MAP4K3: variants seen among roughly 807,000 people sequenced by gnomAD.
The protein encoded by MAP4K3 is MAPK/ERK kinase kinase kinase 3.
A neutral mutation model predicts 143.5 loss-of-function variants in MAP4K3; 94 were observed. That is an observed-to-expected ratio of 0.65 (90% CI 0.55 to 0.78). The LOEUF is 0.78. Ranked by LOEUF, MAP4K3 falls within the 30% of genes least tolerant of loss-of-function variation. MAP4K3 has a pLI of 0.00. For missense variants in MAP4K3, 1,077 were observed against 1,068.1 expected (o/e 1.01, Z -0.12); for synonymous variants, 416 against 347.2 (o/e 1.20, Z -2.20).
intron 13 of MAP4K3, among the ~76,000 whole-genome samples, chr2:39,314,776 A>G (rs1683059249): frequency 6.6e-6 from 1 of 152,206 alleles, no homozygotes; most frequent in Non-Finnish European, 1.5e-5. Context: ...CTGGAGGCCT[A>G]TTTTAAAAGG....
Position 39,437,084 on chromosome 2 carries a change from T to TC in MAP4K3, c.-98dup. 1.2e-6 allele frequency: 1 copy of TC among 861,188 alleles called. No homozygotes were observed. The highest frequency in any genetic ancestry group is 1.7e-6 in the Non-Finnish European group (1 of 594,412). The allele number at this position is 861,188 out of a possible 1,614,324, so 53.3% of individuals were successfully genotyped here. On this transcript the variant is annotated 5_prime_UTR_variant, in exon 1 of 34. Transcript: ENST00000263881. ...GAGGGCGCCGCGGCCGGCTCCCGGCTCCCCCGGCGGTCACAATCACCCGGC... is the reference window on the plus strand; with the variant it reads ...GAGGGCGCCGCGGCCGGCTCCCGGCTCCCCCCGGCGGTCACAATCACCCGGC...
chr2:39,290,723 A>G (rs1196094981), intron 18 of MAP4K3, among the ~76,000 whole-genome samples: 1 of 152,214 alleles, frequency 6.6e-6, no homozygotes, highest in Non-Finnish European at 1.5e-5. Context: ...TTATGTAAAT[A>G]CTTACAGTAT....
intron 18 of MAP4K3, among the ~76,000 whole-genome samples, chr2:39,290,994 G>C (rs1436709932): frequency 6.6e-6 from 1 of 151,680 alleles, no homozygotes. Context: ...CTGGGAGGTA[G>C]AGCCTGCATG....
In MAP4K3 at chr2:39,330,947, T is replaced by C. The variant is rs147945397; in HGVS notation, c.530+970A>G. 2.6e-5 allele frequency among the ~76,000 whole-genome samples: 4 copies of C among 152,284 alleles called. No individual in the cohort carries two copies. In the East Asian group the frequency reaches 7.7e-4, roughly 29 times the overall value. On this transcript the variant is annotated intron_variant, in intron 8 of 33. Coordinates refer to ENST00000263881, the MANE Select transcript of MAP4K3 (RefSeq NM_003618.4). ...AGAGAGCTAAGATCTTCAACTGTCA[T>C]AACGCAGTATCTGTAAATGAATAAT...
intron 13 of MAP4K3, among the ~76,000 whole-genome samples, chr2:39,314,463 A>G (rs1427635294): frequency 6.6e-6 from 1 of 152,248 alleles, no homozygotes; most frequent in African/African-American, 2.4e-5. Context: ...TGAAATTAGC[A>G]AATTTAAAAC....
At chr2:39,350,563 C>T (rs921908707) in intron 3 of MAP4K3, among the ~76,000 whole-genome samples, 9 of 152,132 alleles carry the variant, frequency 5.9e-5, no homozygotes, top group African/African-American at 9.7e-5. Flanking sequence ...AAATGTATTT[C>T]GAGTTAAGAT....
intron 13 of MAP4K3, among the ~76,000 whole-genome samples, chr2:39,313,322 A>C (rs768119960): frequency 6.6e-6 from 1 of 152,104 alleles, no homozygotes; most frequent in Non-Finnish European, 1.5e-5. Context: ...TCACCCAGGT[A>C]CTAAGCCTAG....
At chr2:39,424,265 T>C (rs1021293625) in intron 1 of MAP4K3, among the ~76,000 whole-genome samples, 5 of 152,052 alleles carry the variant, frequency 3.3e-5, no homozygotes, top group Non-Finnish European at 5.9e-5. Flanking sequence ...TTTTAACAAA[T>C]GTATCACACT....
At chr2:39,307,914 G>C (rs1353233042) in intron 15 of MAP4K3, 29 bp downstream of exon 15, 1 of 1,487,776 alleles carries the variant, frequency 6.7e-7, no homozygotes, top group South Asian at 1.3e-5. Context: ...AAACAATGCT[G>C]ACAAAGAAAA....
At chr2:39,289,277 C>T (rs995106602) in intron 19 of MAP4K3, among the ~76,000 whole-genome samples, 3 of 152,098 alleles carry the variant, frequency 2.0e-5, no homozygotes, top group Non-Finnish European at 4.4e-5. Flanking sequence ...GCAAGTACAG[C>T]ATTATTTACT....
intron 8 of MAP4K3, among the ~76,000 whole-genome samples, chr2:39,327,949 A>G (rs2148517782): frequency 6.6e-6 from 1 of 152,378 alleles, no homozygotes; most frequent in East Asian, 1.9e-4. Flanking sequence ...TTGTGTGCTT[A>G]TCACAGTCAA....
chr2:39,308,177 T>G (rs953787538), intron 14 of MAP4K3, among the ~76,000 whole-genome samples, 172 bp from the exon 15 acceptor site: 1 of 152,164 alleles, frequency 6.6e-6, no homozygotes, highest in African/African-American at 2.4e-5. Flanking sequence ...TTGCAACAAC[T>G]TTGCTCTAAA....
Position 39,392,183 on chromosome 2 carries a change from C to CAAAAAAAAAAAAA in MAP4K3, c.97-14073_97-14061dup, listed in dbSNP as rs3086434. ...CTGGCAACAGAACGACACTCCTACT[C>CAAAAAAAAAAAAA]AAAAAAAAAAAAAAAAAAAAAATTA... On this transcript the variant is annotated intron_variant, in intron 1 of 33. Transcript: ENST00000263881. 1.8e-3 allele frequency among the ~76,000 whole-genome samples: 126 copies of CAAAAAAAAAAAAA among 69,028 alleles called. 7 individuals are homozygous for CAAAAAAAAAAAAA. The highest frequency in any genetic ancestry group is 5.7e-3 in the East Asian group (12 of 2,096). The allele number at this position is 69,028 out of a possible 152,430, so 45.3% of individuals were successfully genotyped here.
intron 8 of MAP4K3, 114 bp from the exon 9 acceptor site, chr2:39,326,391 GT>G (rs1683490688): frequency 8.7e-7 from 1 of 1,147,434 alleles, no homozygotes. Flanking sequence ...TTAGGCCTTG[GT>G]TTTTGAAAAA....
chr2:39,250,689 T>C lies in MAP4K3; in HGVS notation c.2614A>G (p.Ser872Gly). The C allele has an allele frequency of 6.2e-7, 1 of 1,613,766 alleles. No homozygotes were observed. Residue 872 changes from serine to glycine, a missense_variant, in exon 34 of 34, where the codon AGT (serine) becomes GGT (glycine). Physicochemically the swap from Ser to Gly is moderately conservative, Grantham distance 56 (BLOSUM62 0). Transcript: ENST00000263881. ...LGSDRVVVLE[S>G]RPTDNPTANS... ...GCTGTGGGGTTATCAGTTGGCCTAC[T>C]TTCCAAAACCACGACCCTGAAAGTA...
intron 3 of MAP4K3, among the ~76,000 whole-genome samples, chr2:39,345,716 G>A (rs1199017111): frequency 6.6e-6 from 1 of 151,846 alleles, no homozygotes; most frequent in Non-Finnish European, 1.5e-5. Flanking sequence ...TCAGGAGATC[G>A]AGACCATCCT....
chr2:39,284,210 G>A (rs1376709739), intron 21 of MAP4K3, among the ~76,000 whole-genome samples: 1 of 151,926 alleles, frequency 6.6e-6, no homozygotes, highest in African/African-American at 2.4e-5. Flanking sequence ...TACCCAGGCT[G>A]GAGTGCAGGG....
intron 32 of MAP4K3, among the ~76,000 whole-genome samples, chr2:39,253,194 C>G (rs553991463): frequency 6.6e-6 from 1 of 152,116 alleles, no homozygotes; most frequent in Admixed American, 6.5e-5. Context: ...TACAGTGACG[C>G]GATCTTGGCT....
intron 1 of MAP4K3, among the ~76,000 whole-genome samples, chr2:39,413,900 C>T (rs949912220): frequency 6.6e-6 from 1 of 151,984 alleles, no homozygotes. Context: ...AGATATATTC[C>T]GAAAGTACAT....
Sources: allele counts gnomAD v4.1 joint callset (sites outside exome capture counted in the v4.1 genomes callset), GRCh38; gene constraint gnomAD v4.1.1; transcripts MANE v1.5; gene names NCBI Gene and HGNC (gene_info 2026-07-23, HGNC 2026-07-21).